Variants in FRY observed in about 807,000 individuals in gnomAD.
The protein encoded by FRY is protein furry homolog.
Under a neutral mutation model 348.4 loss-of-function variants are expected in FRY, and 128 were observed. That is an observed-to-expected ratio of 0.37 (90% confidence interval 0.32 to 0.43). FRY has a LOEUF of 0.43. FRY is among the 20% of genes least tolerant of loss of function. The pLI, the probability that FRY is intolerant of heterozygous loss-of-function variation, is 1.00. For missense variants in FRY, 2,736 were observed against 3,695.2 expected, an observed-to-expected ratio of 0.74 and a Z score of 6.73; for synonymous variants, 1,370 against 1,374.7, an observed-to-expected ratio of 1.00 and a Z score of 0.08.
intron 2 of FRY, among the ~76,000 whole-genome samples, chr13:32,086,948 A>G (rs1055702913): frequency 5.9e-5 from 9 of 152,178 alleles, no homozygotes; most frequent in Non-Finnish European, 8.8e-5. Context: ...CAGGCAGGAT[A>G]TTTTAGACAT....
intron 11 of FRY, 23 bp from the exon 12 acceptor site, chr13:32,147,259 T>C: frequency 7.2e-7 from 1 of 1,398,026 alleles, no homozygotes; most frequent in Non-Finnish European, 1.0e-6. Context: ...ATCTGCAGTC[T>C]TACATCTTGG....
At chr13:32,210,755 G>A (rs773915763) in intron 33 of FRY, 111 bp from the exon 34 acceptor site, 24 of 837,912 alleles carry the variant, frequency 2.9e-5, no homozygotes, top group Admixed American at 1.8e-4. Context: ...TAGCTATCAC[G>A]GTGACAGCTC....
chr13:32,154,877 G>T (rs1881015985), intron 14 of FRY, among the ~76,000 whole-genome samples: 1 of 152,168 alleles, frequency 6.6e-6, no homozygotes, highest in Non-Finnish European at 1.5e-5. Flanking sequence ...GGCCAAAGTT[G>T]TGCCATACCT....
chr13:32,224,502 G>T lies in FRY; in HGVS notation c.4916+117G>T, dbSNP rs7995445. ...ATTAAATTATCTTATCAATCAGTGG[G>T]ATCCTGCCTGATTTGACTGTCAGCT... On this transcript the variant is annotated intron_variant, in intron 37 of 60. Transcript: ENST00000542859. 0.01 allele frequency: 9,128 copies of T among 901,724 alleles called. 567 individuals carry two copies. In the African/African-American group the frequency reaches 0.13, roughly 13 times the overall value. 55.9% of individuals were successfully genotyped at this position (901,724 alleles called of 1,614,324 possible). A position where few individuals can be genotyped will look rare whatever the true frequency, so the allele number is the denominator to read the frequency against.
At chr13:32,167,509 C>A (rs1378272134) in intron 17 of FRY, among the ~76,000 whole-genome samples, 1 of 152,182 alleles carries the variant, frequency 6.6e-6, no homozygotes, top group South Asian at 2.1e-4. Context: ...GGACACCAGT[C>A]ATATTGGATT....
At chr13:32,285,017 C>CT (rs1193358194) in intron 58 of FRY, among the ~76,000 whole-genome samples, 2 of 151,956 alleles carry the variant, frequency 1.3e-5, no homozygotes, top group Non-Finnish European at 2.9e-5. Context: ...GCTTCTTGAT[C>CT]TTTTGTTTCC....
intron 2 of FRY, among the ~76,000 whole-genome samples, chr13:32,091,236 A>T (rs1466165005): frequency 2.6e-5 from 4 of 152,196 alleles, no homozygotes; most frequent in Admixed American, 2.6e-4. Flanking sequence ...CATTTTTACA[A>T]ACTGAGGCAG....
At chr13:32,177,928 T>C (rs1317604795) in intron 20 of FRY, among the ~76,000 whole-genome samples, 1 of 152,212 alleles carries the variant, frequency 6.6e-6, no homozygotes, top group Non-Finnish European at 1.5e-5. Flanking sequence ...TCTGTGGCAA[T>C]AAACCTGTCA....
intron 1 of FRY, among the ~76,000 whole-genome samples, chr13:32,070,079 T>C (rs1874536983): frequency 6.6e-6 from 1 of 152,212 alleles, no homozygotes; most frequent in South Asian, 2.1e-4. Flanking sequence ...TTCCATGGTG[T>C]ATATGTGCCA....
chr13:32,234,759 C>A lies in FRY; in HGVS notation c.5713C>A (p.Gln1905Lys). 6.2e-7 allele frequency: 1 copy of A among 1,613,336 alleles called. No homozygotes were observed. The highest frequency in any genetic ancestry group is 8.5e-7 in the Non-Finnish European group (1 of 1,179,330). Reference sequence around the variant, plus strand: ...GATAGGAGAACATGGAGATGAGATTCAGGTATGGAAGGGAAGACCACTGAG... The same window carrying A: ...GATAGGAGAACATGGAGATGAGATTAAGGTATGGAAGGGAAGACCACTGAG... ...EVIGEHGDEI[Q>K]GYVMEALLTL... Residue 1905 changes from glutamine to lysine, a missense_variant and splice_region_variant, in exon 42 of 61, where the codon CAG becomes AAG. Gln to Lys is a moderately conservative substitution (Grantham distance 53, BLOSUM62 1). Transcript: ENST00000542859.
chr13:32,062,650 T>A (rs1207163624), intron 1 of FRY, among the ~76,000 whole-genome samples: 1 of 152,170 alleles, frequency 6.6e-6, no homozygotes, highest in Non-Finnish European at 1.5e-5. Flanking sequence ...AATGAGCTGG[T>A]ATCTAAATGA....
chr13:32,175,393 A>G (rs1161938634), intron 19 of FRY, among the ~76,000 whole-genome samples, 153 bp from the exon 20 acceptor site: 1 of 152,208 alleles, frequency 6.6e-6, no homozygotes, highest in Non-Finnish European at 1.5e-5. Context: ...AGTTTTACTC[A>G]CTGCCTTCCA....
At chr13:32,167,322 G>A (rs149306381) in intron 17 of FRY, among the ~76,000 whole-genome samples, 23 of 152,330 alleles carry the variant, frequency 1.5e-4, no homozygotes, top group African/African-American at 5.5e-4. Flanking sequence ...CAGCAGGGTT[G>A]TGTCCTGCTC....
In FRY at chr13:32,232,062, C is replaced by G. The variant is rs143669199; in HGVS notation, c.5527+762C>G. 5.7e-3 allele frequency among the ~76,000 whole-genome samples: 873 copies of G among 152,246 alleles called. 8 individuals are homozygous for G. Among genetic ancestry groups the G allele is most frequent in the African/African-American group, 0.02 (818 of 41,548 alleles). On this transcript the variant is annotated intron_variant, in intron 41 of 60. Coordinates refer to ENST00000542859, the MANE Select transcript of FRY (RefSeq NM_023037.3). ...TAAAAAACAAAAGATACTGACAGAC[C>G]GAAATGGGAGAGTCATTTCTAGGAA...
intron 1 of FRY, among the ~76,000 whole-genome samples, chr13:32,045,834 G>A (rs755834776): frequency 2.0e-5 from 3 of 152,176 alleles, no homozygotes; most frequent in Non-Finnish European, 4.4e-5. Flanking sequence ...ATATTTTTAT[G>A]CTGGCGAGAT....
intron 11 of FRY, among the ~76,000 whole-genome samples, chr13:32,140,523 C>T (rs1031983848): frequency 3.3e-5 from 5 of 152,068 alleles, no homozygotes; most frequent in African/African-American, 1.2e-4. Context: ...GACAGTAGCA[C>T]TCCCTGGTCT....
chr13:32,298,276 A>G lies in FRY; in HGVS notation c.*2816A>G, dbSNP rs2072094809. 1 of 152,236 alleles carries G rather than the reference A, an allele frequency of 6.6e-6. No homozygotes were observed. The highest frequency in any genetic ancestry group is 1.5e-5 in the Non-Finnish European group (1 of 68,038). 9.4% of individuals were successfully genotyped at this position (152,236 alleles called of 1,614,324 possible). Reference sequence around the variant, plus strand: ...GCGTACCTCCAGGCTGCTTACATCAATAGCTTACACGTGCTTCCTGATGCC... The same window carrying G: ...GCGTACCTCCAGGCTGCTTACATCAGTAGCTTACACGTGCTTCCTGATGCC... On this transcript the variant is annotated 3_prime_UTR_variant, in exon 61 of 61. Transcript: ENST00000542859.
intron 55 of FRY, among the ~76,000 whole-genome samples, chr13:32,272,934 C>T (rs1214644904): frequency 2.6e-5 from 4 of 150,972 alleles, no homozygotes; most frequent in Admixed American, 2.0e-4. Context: ...TTAGCAGAGA[C>T]GGGGTTTCAC....
chr13:32,119,513 T>C (rs1878517405), intron 4 of FRY, among the ~76,000 whole-genome samples: 1 of 152,212 alleles, frequency 6.6e-6, no homozygotes, highest in Non-Finnish European at 1.5e-5. Context: ...GTCTACATTT[T>C]TTTTTCTGCC....
Sources: gnomAD v4.1 joint callset for allele counts (sites outside exome capture counted in the v4.1 genomes callset) on GRCh38, gnomAD v4.1.1 for gene constraint, MANE v1.5 for transcripts, NCBI Gene and HGNC (gene_info 2026-07-23, HGNC 2026-07-21) for gene names.